Variants in RFC3 observed in about 807,000 individuals in gnomAD.
The protein encoded by RFC3 is A1 38 kDa subunit.
In RFC3, 41 loss-of-function variants were observed where a neutral mutation model predicts 45.1. The ratio of observed to expected loss-of-function variants is 0.91; its 90% CI spans 0.71 to 1.18. RFC3 has a LOEUF of 1.18. Among genes scored for constraint, RFC3 ranks in the 50% most tolerant of loss-of-function variants. The probability of loss-of-function intolerance (pLI) is 0.00; values close to 1 mark genes in which losing one functional copy is unlikely to be tolerated. For missense variants in RFC3, 423 were observed against 428.1 expected (o/e 0.99, Z 0.10); for synonymous variants, 149 against 144.0 (o/e 1.03, Z -0.25).
intron 8 of RFC3, among the ~76,000 whole-genome samples, chr13:33,859,912 C>CA (rs1351307577): frequency 1.3e-5 from 2 of 152,252 alleles, no homozygotes. Flanking sequence ...TATGACTATA[C>CA]ATGGAGATAG....
intron 8 of RFC3, among the ~76,000 whole-genome samples, chr13:33,938,184 C>CAAG (rs1555243230): frequency 2.8e-5 from 2 of 70,782 alleles, no homozygotes; most frequent in Non-Finnish European, 5.0e-5. Flanking sequence ...AGTCCAACTG[C>CAAG]AAAAAAAAAA....
intron 8 of RFC3, among the ~76,000 whole-genome samples, chr13:33,890,835 G>A (rs1481510048): frequency 6.6e-6 from 1 of 152,076 alleles, no homozygotes; most frequent in African/African-American, 2.4e-5. Context: ...TTCAAACTAG[G>A]CCAATGGGAT....
At chr13:33,865,822 G>C (rs9598216) in intron 8 of RFC3, among the ~76,000 whole-genome samples, 9,526 of 152,208 alleles carry the variant, frequency 0.063, 615 homozygotes, top group East Asian at 0.16. Flanking sequence ...GGGAGGCTGA[G>C]GCGGGTGGAT....
intron 8 of RFC3, among the ~76,000 whole-genome samples, chr13:33,865,778 G>A (rs2082369180): frequency 6.6e-6 from 1 of 152,166 alleles, no homozygotes; most frequent in South Asian, 2.1e-4. Context: ...GTGTGGCCAG[G>A]TATGGTGGCT....
chr13:33,837,922 T>G (rs2082169994), downstream of RFC3, among the ~76,000 whole-genome samples: 1 of 152,192 alleles, frequency 6.6e-6, no homozygotes, highest in South Asian at 2.1e-4. Context: ...GTTCAAACTT[T>G]TCTGATTTCA....
intron 8 of RFC3, among the ~76,000 whole-genome samples, chr13:33,879,590 A>G (rs754199577): frequency 8.5e-5 from 13 of 152,224 alleles, no homozygotes; most frequent in Non-Finnish European, 1.8e-4. Context: ...TACTTTTACA[A>G]TCTACTTCCC....
At chr13:33,873,547 G>A (rs945872338) in intron 8 of RFC3, among the ~76,000 whole-genome samples, 3 of 152,118 alleles carry the variant, frequency 2.0e-5, no homozygotes, top group African/African-American at 7.2e-5. Context: ...TCTTTAAAAC[G>A]TTTTAGGGTA....
At chr13:33,890,696 CTTAAGATAGG>C (rs1401158784) in intron 8 of RFC3, among the ~76,000 whole-genome samples, 1 of 152,114 alleles carries the variant, frequency 6.6e-6, no homozygotes, top group Non-Finnish European at 1.5e-5. Context: ...ACTACAAACT[CTTAAGATAGG>C]TAATCTTATT....
downstream of RFC3, among the ~76,000 whole-genome samples, chr13:33,967,816 C>G (rs969798365): frequency 3.9e-5 from 6 of 152,046 alleles, no homozygotes; most frequent in Admixed American, 2.6e-4. Context: ...TTGGTTTAAA[C>G]AAGCAGTTCT....
chr13:33,923,541 G>T (rs1275706744), intron 8 of RFC3, among the ~76,000 whole-genome samples: 2 of 152,140 alleles, frequency 1.3e-5, no homozygotes, highest in East Asian at 3.9e-4. Flanking sequence ...ATGGTCACTT[G>T]CAGGATTGAA....
At chr13:33,937,664 T>C (rs1007709526) in intron 8 of RFC3, among the ~76,000 whole-genome samples, 2 of 152,190 alleles carry the variant, frequency 1.3e-5, no homozygotes, top group Admixed American at 1.3e-4. Flanking sequence ...ACACAGAAGA[T>C]AATCACATAA....
At position 33,830,839 on chromosome 13, in the gene RFC3, G is replaced by T; in HGVS notation, c.694G>T (p.Ala232Ser). The change falls in exon 6 of 9, where the codon GCC becomes TCC. Residue 232 changes from alanine to serine, a missense_variant. By Grantham distance (99) the Ala-to-Ser change is moderately conservative. Transcript: ENST00000380071. ...CAGAAAAGCCCTGCTTATGTGTGAAGCCTGCAGAGTGCAACAGTGAGTGGA... is the reference window on the plus strand; with the variant it reads ...CAGAAAAGCCCTGCTTATGTGTGAATCCTGCAGAGTGCAACAGTGAGTGGA... ...NLRKALLMCE[A>S]CRVQQYPFTA... 2 of 1,613,622 alleles carry T rather than the reference G, an allele frequency of 1.2e-6. No individual in the cohort carries two copies. Among genetic ancestry groups the T allele is most frequent in the Non-Finnish European group, 1.7e-6 (2 of 1,179,844 alleles).
chr13:33,925,472 CTAT>C (rs2082802955), intron 8 of RFC3, among the ~76,000 whole-genome samples: 1 of 134,890 alleles, frequency 7.4e-6, no homozygotes, highest in Admixed American at 7.6e-5. Context: ...ACATAGTGTA[CTAT>C]ATACATACAT....
chr13:33,925,575 C>T (rs2082804932), intron 8 of RFC3, among the ~76,000 whole-genome samples: 1 of 110,408 alleles, frequency 9.1e-6, no homozygotes, highest in Non-Finnish European at 2.3e-5. Flanking sequence ...GTACTATATA[C>T]ATACATATAT....
intron 8 of RFC3, among the ~76,000 whole-genome samples, chr13:33,898,349 G>A (rs2137658281): frequency 6.6e-6 from 1 of 151,970 alleles, no homozygotes; most frequent in South Asian, 2.1e-4. Context: ...CAATTAACAA[G>A]AGGAATTTTG....
chr13:33,920,866 A>G (rs985963812), intron 8 of RFC3, among the ~76,000 whole-genome samples: 2 of 152,128 alleles, frequency 1.3e-5, no homozygotes. Context: ...TTATCTTACT[A>G]AATCTTCCCT....
At chr13:33,919,814 C>T (rs2082756490) in intron 8 of RFC3, among the ~76,000 whole-genome samples, 1 of 152,096 alleles carries the variant, frequency 6.6e-6, no homozygotes, top group South Asian at 2.1e-4. Context: ...AGGATATAGG[C>T]TGAGGAAGAA....
intron 8 of RFC3, among the ~76,000 whole-genome samples, chr13:33,881,183 T>A: frequency 6.6e-6 from 1 of 152,340 alleles, no homozygotes; most frequent in South Asian, 2.1e-4. Context: ...ATCTTTGTTA[T>A]GAAAAATGAT....
chr13:33,821,074 G>C, intron 1 of RFC3, 58 bp from the exon 2 acceptor site: 3 of 1,552,082 alleles, frequency 1.9e-6, no homozygotes, highest in Non-Finnish European at 2.6e-6. Flanking sequence ...AAGTAGTTTG[G>C]TTCTACCTAG....
Sources: gnomAD v4.1 joint callset for allele counts (sites outside exome capture counted in the v4.1 genomes callset) on GRCh38, gnomAD v4.1.1 for gene constraint, MANE v1.5 for transcripts, NCBI Gene and HGNC (gene_info 2026-07-23, HGNC 2026-07-21) for gene names.